ADAM23: variants seen among roughly 807,000 people sequenced by gnomAD.
The protein encoded by ADAM23 is disintegrin and metalloproteinase domain-containing protein 23.
ADAM23 carries 33 observed loss-of-function variants against 120.1 expected under a neutral mutation model. The ratio of observed to expected loss-of-function variants is 0.27; its 90% CI spans 0.21 to 0.37. The LOEUF (loss-of-function observed/expected upper bound fraction) is 0.37. ADAM23 is among the 10% of genes least tolerant of loss of function. The probability of loss-of-function intolerance (pLI) is 1.00; values close to 1 mark genes in which losing one functional copy is unlikely to be tolerated. For synonymous variants in ADAM23, 367 were observed against 375.2 expected (o/e 0.98, Z 0.25); for missense variants, 862 against 1,058.2 (o/e 0.81, Z 2.57).
At chr2:206,612,818 G>A (rs1280522080) in intron 25 of ADAM23, among the ~76,000 whole-genome samples, 2 of 152,176 alleles carry the variant, frequency 1.3e-5, no homozygotes, top group African/African-American at 4.8e-5. Context: ...GTGCACATTT[G>A]TGTGTGTGAA....
At chr2:206,571,181 A>G (rs1697987972) in intron 16 of ADAM23, among the ~76,000 whole-genome samples, 1 of 152,226 alleles carries the variant, frequency 6.6e-6, no homozygotes, top group South Asian at 2.1e-4. Flanking sequence ...CCTGCTAAAA[A>G]TTAAGCTTTC....
At position 206,513,606 on chromosome 2, in the gene ADAM23, T is replaced by G. The variant is rs147746401; in HGVS notation, c.510-17279T>G. Among the ~76,000 whole-genome samples the G allele has an allele frequency of 3.3e-3, 499 of 152,326 alleles. 7 individuals are homozygous for G. Among genetic ancestry groups the G allele is most frequent in the African/African-American group, 0.011 (472 of 41,578 alleles). ...TGCTAATGTAGAAGCTGAAGCAAGT[T>G]ATCCAGAACATCTAGCTAAGATAAT... On this transcript the variant is annotated intron_variant, in intron 3 of 25. Coordinates refer to ENST00000264377, the MANE Select transcript of ADAM23 (RefSeq NM_003812.4).
chr2:206,598,501 C>G (rs1439864809), intron 24 of ADAM23, among the ~76,000 whole-genome samples: 3 of 152,084 alleles, frequency 2.0e-5, no homozygotes, highest in Non-Finnish European at 4.4e-5. Flanking sequence ...GTATCCCACA[C>G]TACCTTTAAA....
At chr2:206,580,208 T>A (rs1369828660) in intron 18 of ADAM23, among the ~76,000 whole-genome samples, 1 of 152,194 alleles carries the variant, frequency 6.6e-6, no homozygotes, top group African/African-American at 2.4e-5. Flanking sequence ...TGCCCTTTCT[T>A]TCTTTCTCTT....
chr2:206,548,404 A>G (rs1165987019), intron 8 of ADAM23, 50 bp downstream of exon 8: 4 of 1,543,596 alleles, frequency 2.6e-6, no homozygotes, highest in Admixed American at 1.7e-5. Flanking sequence ...CAATGAAGTC[A>G]TGTGCCTATC....
intron 3 of ADAM23, among the ~76,000 whole-genome samples, chr2:206,506,974 A>AT (rs1559238909): frequency 6.6e-6 from 1 of 152,224 alleles, no homozygotes. Context: ...ATTTTTAAAA[A>AT]TGGAAAAAGG....
chr2:206,455,181 C>G (rs1016149998), intron 2 of ADAM23, among the ~76,000 whole-genome samples: 1 of 152,244 alleles, frequency 6.6e-6, no homozygotes, highest in Admixed American at 6.5e-5. Context: ...CAGAAGTTCT[C>G]AAGCCTTGAC....
At chr2:206,466,197 G>C (rs968990539) in intron 2 of ADAM23, among the ~76,000 whole-genome samples, 2 of 152,110 alleles carry the variant, frequency 1.3e-5, no homozygotes, top group African/African-American at 4.8e-5. Flanking sequence ...TTGTTTCTTA[G>C]GAATGTTTAA....
At chr2:206,507,319 A>T (rs1481320657) in intron 3 of ADAM23, among the ~76,000 whole-genome samples, 1 of 152,100 alleles carries the variant, frequency 6.6e-6, no homozygotes, top group Non-Finnish European at 1.5e-5. Flanking sequence ...CTTCTCATGC[A>T]TGGGTTAGCA....
At chr2:206,479,906 G>A (rs1329488727) in intron 2 of ADAM23, among the ~76,000 whole-genome samples, 1 of 152,176 alleles carries the variant, frequency 6.6e-6, no homozygotes, top group Non-Finnish European at 1.5e-5. Flanking sequence ...ATTTGGCAGT[G>A]TGCTTGACTG....
chr2:206,509,583 C>T (rs1157923650), intron 3 of ADAM23, among the ~76,000 whole-genome samples: 1 of 152,064 alleles, frequency 6.6e-6, no homozygotes, highest in Admixed American at 6.5e-5. Flanking sequence ...CGAGTAGCTG[C>T]GACTACAGGC....
At position 206,619,618 on chromosome 2, in the gene ADAM23, C is replaced by G; in HGVS notation, c.*1991C>G. 6.6e-6 allele frequency: 1 copy of G among 151,838 alleles called. No individual in the cohort carries two copies. Among genetic ancestry groups the G allele is most frequent in the Non-Finnish European group, 1.5e-5 (1 of 68,010 alleles). 9.4% of individuals were successfully genotyped at this position (151,838 alleles called of 1,614,324 possible). On this transcript the variant is annotated 3_prime_UTR_variant, in exon 26 of 26. Coordinates refer to ENST00000264377, the MANE Select transcript of ADAM23 (RefSeq NM_003812.4). ...CTCCTGGTCCCTTTTCAGCAAGATT[C>G]ATGTTATCCGTCTTACAACTTTGAT...
At chr2:206,519,760 C>T (rs562642602) in intron 3 of ADAM23, among the ~76,000 whole-genome samples, 1 of 152,152 alleles carries the variant, frequency 6.6e-6, no homozygotes, top group Admixed American at 6.5e-5. Flanking sequence ...TCTTCTAATA[C>T]CAGCACTTTG....
At chr2:206,531,821 G>A (rs1007833733) in intron 4 of ADAM23, among the ~76,000 whole-genome samples, 6 of 152,194 alleles carry the variant, frequency 3.9e-5, no homozygotes. Context: ...CATAAAAGTA[G>A]CACCTTTCCC....
chr2:206,610,060 T>TA, intron 25 of ADAM23, 60 bp downstream of exon 25: 1 of 1,418,100 alleles, frequency 7.1e-7, no homozygotes, highest in East Asian at 2.8e-5. Context: ...TCTGCTTACA[T>TA]AACCAAGTTT....
In ADAM23 at chr2:206,587,338, T is replaced by G; in HGVS notation, c.1751T>G (p.Leu584Arg). The G allele has an allele frequency of 6.2e-7, 1 of 1,608,098 alleles. No homozygotes were observed. The highest frequency in any genetic ancestry group is 8.5e-7 in the Non-Finnish European group (1 of 1,176,858). ...TGDSGQCPPN[L>R]HKQDGYACNQ... ...AATATTTTGCAGTGCCCACCAAATCTTCATAAGCAAGACGGATATGCATGC... is the reference window on the plus strand; with the variant it reads ...AATATTTTGCAGTGCCCACCAAATCGTCATAAGCAAGACGGATATGCATGC... The change falls in exon 19 of 26, where the codon CTT (leucine) becomes CGT (arginine). Residue 584 changes from leucine to arginine, a missense_variant. Coordinates refer to ENST00000264377, the MANE Select transcript of ADAM23 (RefSeq NM_003812.4).
chr2:206,489,506 G>A (rs1335502278), intron 3 of ADAM23, among the ~76,000 whole-genome samples: 3 of 152,160 alleles, frequency 2.0e-5, no homozygotes, highest in South Asian at 2.1e-4. Flanking sequence ...GGTTTATGAT[G>A]CTGCTAACTC....
At chr2:206,528,329 G>A (rs1696982750) in intron 3 of ADAM23, among the ~76,000 whole-genome samples, 1 of 152,154 alleles carries the variant, frequency 6.6e-6, no homozygotes, top group Non-Finnish European at 1.5e-5. Flanking sequence ...TATTCCCCAT[G>A]TATACAGAGT....
At chr2:206,514,072 T>G (rs148045584) in intron 3 of ADAM23, among the ~76,000 whole-genome samples, 1 of 152,214 alleles carries the variant, frequency 6.6e-6, no homozygotes, top group Non-Finnish European at 1.5e-5. Context: ...GAGGTTAATG[T>G]TGTTTTTATG....
Sources: gnomAD v4.1 joint callset for allele counts (sites outside exome capture counted in the v4.1 genomes callset) on GRCh38, gnomAD v4.1.1 for gene constraint, MANE v1.5 for transcripts, NCBI Gene and HGNC (gene_info 2026-07-23, HGNC 2026-07-21) for gene names.